The following SPAG17 variants were observed in gnomAD, a reference collection of about 807,000 sequenced individuals.
SPAG17 encodes the protein sperm associated antigen 17, also known as sperm-associated antigen 17.
A neutral mutation model predicts 273.6 loss-of-function variants in SPAG17; 169 were observed. The ratio of observed to expected loss-of-function variants is 0.62; its 90% CI spans 0.55 to 0.70. The LOEUF (loss-of-function observed/expected upper bound fraction) is 0.70. SPAG17 is among the 30% of genes least tolerant of loss of function. SPAG17 has a pLI of 0.00. For missense variants in SPAG17, 2,557 were observed against 2,627.8 expected, an observed-to-expected ratio of 0.97 and a Z score of 0.59; for synonymous variants, 825 against 873.2, an observed-to-expected ratio of 0.94 and a Z score of 0.97.
chr1:118,047,484 C>T (rs1025288847), intron 20 of SPAG17, among the ~76,000 whole-genome samples: 24 of 152,014 alleles, frequency 1.6e-4, no homozygotes, highest in African/African-American at 4.8e-4. Context: ...TCAGTGGTCG[C>T]GTACTCCAGG....
At chr1:118,155,414 T>C (rs1333283587) in intron 1 of SPAG17, among the ~76,000 whole-genome samples, 1 of 152,244 alleles carries the variant, frequency 6.6e-6, no homozygotes, top group Non-Finnish European at 1.5e-5. Flanking sequence ...TTTTCAAAAG[T>C]GAAAAGTAGC....
intron 48 of SPAG17, chr1:117,957,175 G>T (rs3736795): frequency 1.9e-6 from 3 of 1,610,736 alleles, no homozygotes; most frequent in Non-Finnish European, 2.5e-6. Context: ...CTTATATGCC[G>T]GTGCCTCTTC....
At chr1:117,990,244 C>T (rs560575077) in intron 38 of SPAG17, among the ~76,000 whole-genome samples, 1 of 152,308 alleles carries the variant, frequency 6.6e-6, no homozygotes, top group South Asian at 2.1e-4. Flanking sequence ...GGAGGATACT[C>T]AGAACCTATC....
chr1:118,160,560 C>A (rs1656806241), intron 1 of SPAG17, among the ~76,000 whole-genome samples: 1 of 152,186 alleles, frequency 6.6e-6, no homozygotes, highest in African/African-American at 2.4e-5. Context: ...CTTCATTTAT[C>A]CCTTGTTTAC....
chr1:117,987,269 T>C (rs1239863625), intron 40 of SPAG17, among the ~76,000 whole-genome samples: 1 of 152,096 alleles, frequency 6.6e-6, no homozygotes, highest in Admixed American at 6.6e-5. Context: ...ATCTCAGCAC[T>C]CCCCTAACAC....
chr1:118,090,612 G>A (rs1016830047), intron 10 of SPAG17, among the ~76,000 whole-genome samples: 4 of 152,104 alleles, frequency 2.6e-5, no homozygotes, highest in African/African-American at 9.7e-5. Context: ...AGCCAGACAC[G>A]GTGGTTCATG....
chr1:118,113,259 G>T (rs12028343), intron 4 of SPAG17, among the ~76,000 whole-genome samples: 9,356 of 152,144 alleles, frequency 0.061, 453 homozygotes, highest in East Asian at 0.26. Context: ...TCTCACTGTG[G>T]GTTCAGGAAA....
At chr1:118,181,686 AAAC>A (rs1660956749) in intron 1 of SPAG17, among the ~76,000 whole-genome samples, 1 of 152,166 alleles carries the variant, frequency 6.6e-6, no homozygotes, top group South Asian at 2.1e-4. Flanking sequence ...AAATGAACAA[AAAC>A]AAACCTCACC....
At chr1:118,058,055 T>TAAA (rs1651887904) in intron 18 of SPAG17, among the ~76,000 whole-genome samples, 2 of 152,158 alleles carry the variant, frequency 1.3e-5, no homozygotes, top group East Asian at 3.9e-4. Context: ...TTTATAAAAT[T>TAAA]AAATGGTAAG....
rs575835829 is a variant in SPAG17 at position 118,060,166 on chromosome 1, A to T, written c.2541-4252T>A. The stretch of plus-strand genomic sequence containing the variant: ...GATTTTTTTGCAGTGTTATTGTTTC[A>T]TTCCTTTCTCTTTATCTTTCATGTG... On this transcript the variant is annotated intron_variant, in intron 18 of 48. Transcript: ENST00000336338. Among the ~76,000 whole-genome samples, 3 of 150,794 alleles carry T rather than the reference A, an allele frequency of 2.0e-5. No individual in the cohort carries two copies. In the East Asian group the frequency reaches 5.9e-4, roughly 29 times the overall value.
chr1:118,016,568 A>G (rs561257294), intron 28 of SPAG17, among the ~76,000 whole-genome samples: 43 of 152,224 alleles, frequency 2.8e-4, no homozygotes, highest in Non-Finnish European at 5.0e-4. Context: ...TTATCTGTCA[A>G]ACTTTCAGCC....
rs547019256 is a variant in SPAG17, at chr1:118,075,956, C to T, written c.2210-1356G>A. The stretch of plus-strand genomic sequence containing the variant: ...TCATAGCATGTATCTATGCCTAATG[C>T]TACTTACTTGTTTATGGTCTGTCTC... On this transcript the variant is annotated intron_variant, in intron 15 of 48. Coordinates refer to ENST00000336338, the MANE Select transcript of SPAG17 (RefSeq NM_206996.4). 2.0e-5 allele frequency among the ~76,000 whole-genome samples: 3 copies of T among 152,128 alleles called. No individual in the cohort carries two copies. The South Asian group carries it at 6.2e-4, about 32-fold the overall frequency.
intron 6 of SPAG17, among the ~76,000 whole-genome samples, chr1:118,098,413 G>A (rs560605568): frequency 1.2e-4 from 18 of 151,944 alleles, no homozygotes; most frequent in Admixed American, 5.9e-4. Flanking sequence ...AAATTTGCCC[G>A]AAATATTTAT....
intron 29 of SPAG17, among the ~76,000 whole-genome samples, chr1:118,015,681 C>CA (rs1352674267): frequency 1.3e-5 from 2 of 152,146 alleles, no homozygotes; most frequent in Non-Finnish European, 2.9e-5. Flanking sequence ...ATAGAGAACT[C>CA]ATGAACTGCC....
At chr1:118,108,330 C>A (rs1201865555) in intron 4 of SPAG17, among the ~76,000 whole-genome samples, 3 of 152,172 alleles carry the variant, frequency 2.0e-5, no homozygotes, top group Admixed American at 6.5e-5. Context: ...ATAGGAAAAT[C>A]ATTTCCTATC....
At chr1:117,994,594 G>A (rs557319766) in intron 34 of SPAG17, 64 bp from the exon 35 acceptor site, 34 of 1,515,912 alleles carry the variant, frequency 2.2e-5, no homozygotes, top group South Asian at 6.5e-5. Context: ...AAATGAAAAC[G>A]CATTGACTAA....
chr1:117,978,528 C>A (rs905907446), intron 43 of SPAG17, among the ~76,000 whole-genome samples: 2 of 152,134 alleles, frequency 1.3e-5, no homozygotes, highest in African/African-American at 4.8e-5. Flanking sequence ...CTCTAGTATG[C>A]CTAATCTTTA....
At chr1:118,003,975 G>C (rs1658591054) in intron 32 of SPAG17, among the ~76,000 whole-genome samples, 1 of 152,128 alleles carries the variant, frequency 6.6e-6, no homozygotes, top group African/African-American at 2.4e-5. Context: ...CTTTGATGTT[G>C]GTGACCTACA....
At chr1:118,146,333 C>T (rs915097447) in intron 3 of SPAG17, among the ~76,000 whole-genome samples, 1 of 152,106 alleles carries the variant, frequency 6.6e-6, no homozygotes, top group African/African-American at 2.4e-5. Context: ...ACTGACTATA[C>T]CTGTAAATGA....
Sources: gnomAD v4.1 joint callset for allele counts (sites outside exome capture counted in the v4.1 genomes callset) on GRCh38, gnomAD v4.1.1 for gene constraint, MANE v1.5 for transcripts, NCBI Gene and HGNC (gene_info 2026-07-23, HGNC 2026-07-21) for gene names.